PRMT8: variants seen among roughly 807,000 people sequenced by gnomAD.
The protein encoded by PRMT8 is protein arginine methyltransferase 8.
PRMT8 carries 7 observed loss-of-function variants against 47.1 expected under a neutral mutation model. That is an observed-to-expected ratio of 0.15 (90% CI 0.08 to 0.28). The LOEUF (loss-of-function observed/expected upper bound fraction) is 0.28. PRMT8 is among the 10% of genes least tolerant of loss of function. The pLI is 1.00. For synonymous variants in PRMT8, 188 were observed against 186.5 expected (o/e 1.01, Z -0.07); for missense variants, 237 against 505.4 (o/e 0.47, Z 5.09).
chr12:3,579,930 C>T (rs1867023627), intron 7 of PRMT8, among the ~76,000 whole-genome samples: 1 of 152,056 alleles, frequency 6.6e-6, no homozygotes. Context: ...CCTGGGGTCT[C>T]AGAGCTGCTG....
intron 8 of PRMT8, among the ~76,000 whole-genome samples, chr12:3,585,895 C>T (rs1867162268): frequency 6.6e-6 from 1 of 152,012 alleles, no homozygotes; most frequent in African/African-American, 2.4e-5. Flanking sequence ...AGTGAGGGAG[C>T]TGGGGAGGAG....
intron 1 of PRMT8, among the ~76,000 whole-genome samples, chr12:3,434,941 C>A (rs556624286): frequency 3.9e-4 from 59 of 151,174 alleles, no homozygotes; most frequent in African/African-American, 1.4e-3. Context: ...GTAGAGGAGT[C>A]CCCAGTGAAG....
At chr12:3,553,910 C>T (rs572886389) in intron 4 of PRMT8, among the ~76,000 whole-genome samples, 196 bp downstream of exon 4, 21 of 152,310 alleles carry the variant, frequency 1.4e-4, no homozygotes, top group African/African-American at 3.6e-4. Flanking sequence ...CTGAGGATCA[C>T]AGCCACCCCC....
At chr12:3,423,095 C>T (rs1415644474) in intron 1 of PRMT8, among the ~76,000 whole-genome samples, 1 of 152,206 alleles carries the variant, frequency 6.6e-6, no homozygotes, top group Non-Finnish European at 1.5e-5. Flanking sequence ...CGCTGGGAAC[C>T]ATTTTTCAAA....
chr12:3,518,787 C>T (rs1367852644), intron 1 of PRMT8, among the ~76,000 whole-genome samples: 1 of 152,182 alleles, frequency 6.6e-6, no homozygotes, highest in East Asian at 1.9e-4. Flanking sequence ...GAGACTCCCT[C>T]TGTGTTTCTG....
chr12:3,496,214 A>ATATATATATATATTTTTT, intron 1 of PRMT8, among the ~76,000 whole-genome samples: 3 of 27,774 alleles, frequency 1.1e-4, no homozygotes, highest in Non-Finnish European at 2.4e-4. Flanking sequence ...ATATATATAT[A>ATATATATATATATTTTTT]TTTTTTTTTT....
At chr12:3,506,399 G>A (rs1260592186) in intron 1 of PRMT8, among the ~76,000 whole-genome samples, 3 of 152,142 alleles carry the variant, frequency 2.0e-5, no homozygotes, top group Admixed American at 6.5e-5. Context: ...TGGAAGAGAC[G>A]GGAGCAGAAC....
At chr12:3,471,139 C>T (rs964310763) in intron 1 of PRMT8, among the ~76,000 whole-genome samples, 3 of 152,068 alleles carry the variant, frequency 2.0e-5, no homozygotes, top group African/African-American at 7.2e-5. Flanking sequence ...TGTCTGAAGG[C>T]TGCACTTTAA....
chr12:3,491,460 C>A lies in PRMT8; in HGVS notation c.-166C>A. 7.0e-7 allele frequency: 1 copy of A among 1,431,480 alleles called. No homozygotes were observed. The highest frequency in any genetic ancestry group is 9.1e-7 in the Non-Finnish European group (1 of 1,096,144). 88.7% of individuals were successfully genotyped at this position (1,431,480 alleles called of 1,614,324 possible). A position where few individuals can be genotyped will look rare whatever the true frequency, so the allele number is the denominator to read the frequency against. On this transcript the variant is annotated 5_prime_UTR_variant, in exon 1 of 10. The change creates a new upstream start codon in the 5' untranslated region. Transcript: ENST00000382622. ...GGAGGAAAATAAAAGAAAGTGGAGA[C>A]TGCAGAACAGACTCCGCTGTGGCTG...
In PRMT8 at chr12:3,514,335, C is replaced by A. The variant is rs987995604; in HGVS notation, c.75+22635C>A. Among the ~76,000 whole-genome samples the A allele has an allele frequency of 1.3e-5, 2 of 151,996 alleles. No individual in the cohort carries two copies. Among genetic ancestry groups the A allele is most frequent in the African/African-American group, 4.8e-5 (2 of 41,374 alleles). ...TGTCAGAGCCCTGGCTGGGCTGGCA[C>A]CAGGACCCTCTGGCTCACCTTGTGG... On this transcript the variant is annotated intron_variant, in intron 1 of 9. Coordinates refer to ENST00000382622, the MANE Select transcript of PRMT8 (RefSeq NM_019854.5). The surrounding 1 kb of genome is among the most constrained non-coding windows in gnomAD (Gnocchi z 5.9).
At chr12:3,437,766 T>C (rs1420787428) in intron 1 of PRMT8, among the ~76,000 whole-genome samples, 1 of 151,936 alleles carries the variant, frequency 6.6e-6, no homozygotes, top group Non-Finnish European at 1.5e-5. Flanking sequence ...TTAGGGATGT[T>C]CTCTAAGGTC....
intron 1 of PRMT8, among the ~76,000 whole-genome samples, chr12:3,460,051 T>C (rs915585658): frequency 4.6e-5 from 7 of 152,172 alleles, no homozygotes; most frequent in Non-Finnish European, 8.8e-5. Context: ...TACTTTTCTA[T>C]GATCCCTCTC....
At chr12:3,488,906 C>T (rs1865346782), upstream of PRMT8, among the ~76,000 whole-genome samples, 2 of 152,188 alleles carry the variant, frequency 1.3e-5, 1 homozygote, top group South Asian at 4.1e-4. Flanking sequence ...TAATAATTAG[C>T]TTGCTTGTGA....
intron 1 of PRMT8, among the ~76,000 whole-genome samples, chr12:3,513,113 C>A (rs1865737193): frequency 6.6e-6 from 1 of 152,144 alleles, no homozygotes; most frequent in Non-Finnish European, 1.5e-5. Context: ...CCATGCAGCA[C>A]TCTCCTTGGA....
chr12:3,424,043 TGA>T (rs1175570458), intron 1 of PRMT8, among the ~76,000 whole-genome samples: 1 of 152,176 alleles, frequency 6.6e-6, no homozygotes, highest in East Asian at 1.9e-4. Flanking sequence ...GAAGTGACAT[TGA>T]GAGACTGGGC....
chr12:3,421,472 C>G (rs1190427136), intron 1 of PRMT8, among the ~76,000 whole-genome samples: 1 of 152,172 alleles, frequency 6.6e-6, no homozygotes, highest in East Asian at 1.9e-4. Context: ...GATCCTGGGT[C>G]CTCAGGAGCT....
chr12:3,583,145 G>A lies in PRMT8; in HGVS notation c.916G>A (p.Ala306Thr), dbSNP rs766069538. The change falls in exon 8 of 10, where the codon GCC (alanine) becomes ACC (threonine). Residue 306 changes from alanine to threonine, a missense_variant. Physicochemically the swap from Ala to Thr is moderately conservative, Grantham distance 58. This residue lies in a region of PRMT8 where 151 missense variants were observed against 341.1 expected (regional missense o/e 0.44). Coordinates refer to ENST00000382622, the MANE Select transcript of PRMT8 (RefSeq NM_019854.5). This position sits in a 1 kb window ranked among gnomAD's most constrained non-coding sequence, Gnocchi z 4.7. ...LQIQRNDYVH[A>T]LVTYFNIEFT... ...GATACAGCGCAACGACTACGTCCAC[G>A]CCCTGGTCACCTATTTTAATATTGA... The A allele has an allele frequency of 1.9e-6, 3 of 1,613,882 alleles. No homozygotes were observed. Among genetic ancestry groups the A allele is most frequent in the African/African-American group, 1.3e-5 (1 of 74,888 alleles).
At chr12:3,491,167 G>A (rs964281152), upstream of PRMT8, 36 of 986,874 alleles carry the variant, frequency 3.6e-5, no homozygotes, top group Non-Finnish European at 3.9e-5. Context: ...CACTCACCCG[G>A]CTCAGCCCCT....
At chr12:3,472,377 G>A (rs1304381788) in intron 1 of PRMT8, among the ~76,000 whole-genome samples, 1 of 152,196 alleles carries the variant, frequency 6.6e-6, no homozygotes, top group Non-Finnish European at 1.5e-5. Context: ...ATGAATGGAT[G>A]GATGAATAAA....
Sources: allele counts gnomAD v4.1 joint callset (sites outside exome capture counted in the v4.1 genomes callset), GRCh38; gene constraint gnomAD v4.1.1; regional missense constraint gnomAD v4.1.1; non-coding constraint Gnocchi (gnomAD v3.1); transcripts MANE v1.5; gene names NCBI Gene and HGNC (gene_info 2026-07-23, HGNC 2026-07-21).